Variants in CPNE2 observed in about 807,000 individuals in gnomAD.
CPNE2 encodes the protein copine 2, also known as copine-2.
A neutral mutation model predicts 69.7 loss-of-function variants in CPNE2; 42 were observed. The ratio of observed to expected loss-of-function variants is 0.60; its 90% CI spans 0.47 to 0.78. CPNE2 has a LOEUF of 0.78. CPNE2 is among the 30% of genes least tolerant of loss of function. The probability of loss-of-function intolerance (pLI) is 0.00; values close to 1 mark genes in which losing one functional copy is unlikely to be tolerated. For missense variants in CPNE2, 587 were observed against 732.0 expected, an observed-to-expected ratio of 0.80 and a Z score of 2.29; for synonymous variants, 294 against 289.8, an observed-to-expected ratio of 1.01 and a Z score of -0.15.
At chr16:57,103,782 C>G (rs879722975) in intron 1 of CPNE2, among the ~76,000 whole-genome samples, 7 of 152,348 alleles carry the variant, frequency 4.6e-5, no homozygotes, top group Non-Finnish European at 7.3e-5. Context: ...GGTTCTACAT[C>G]GCGGTGGGGC....
At chr16:57,147,257 C>T (rs2069965241) in intron 15 of CPNE2, 1 of 311,398 alleles carries the variant, frequency 3.2e-6, no homozygotes, top group Non-Finnish European at 5.9e-6. Flanking sequence ...TTGCCGGACA[C>T]ATAGGTGCTT....
At chr16:57,103,853 G>A (rs1555545602) in intron 1 of CPNE2, among the ~76,000 whole-genome samples, 1 of 152,194 alleles carries the variant, frequency 6.6e-6, no homozygotes, top group Non-Finnish European at 1.5e-5. Flanking sequence ...GCTACCTATT[G>A]TTCCAAGTGC....
intron 9 of CPNE2, among the ~76,000 whole-genome samples, chr16:57,122,912 T>C (rs1384755932): frequency 1.3e-5 from 2 of 151,896 alleles, no homozygotes; most frequent in African/African-American, 4.8e-5. Context: ...TCTCTTTTTT[T>C]TTTTTTTTAA....
At chr16:57,137,096 G>A (rs1489930682) in intron 13 of CPNE2, 53 bp from the exon 14 acceptor site, 16 of 1,596,146 alleles carry the variant, frequency 1.0e-5, no homozygotes, top group Non-Finnish European at 1.3e-5. Flanking sequence ...TGAGATGAGA[G>A]TGGGTATGGG....
At chr16:57,145,228 TCTC>T (rs1422014213) in intron 14 of CPNE2, among the ~76,000 whole-genome samples, 1 of 152,324 alleles carries the variant, frequency 6.6e-6, no homozygotes, top group South Asian at 2.1e-4. Flanking sequence ...GAGACTATTG[TCTC>T]CTCAAGCTCT....
At chr16:57,115,372 G>T in intron 3 of CPNE2, 104 bp from the exon 4 acceptor site, 1 of 873,684 alleles carries the variant, frequency 1.1e-6, no homozygotes, top group Non-Finnish European at 1.8e-6. Context: ...GCCAGGGCGG[G>T]GTGCAGCCCT....
intron 12 of CPNE2, chr16:57,128,967 G>C (rs1375234931): frequency 2.0e-5 from 3 of 152,278 alleles, no homozygotes; most frequent in Non-Finnish European, 2.9e-5. Context: ...AGGCCTGTGG[G>C]GAGCCGAGGA....
At chr16:57,123,861 C>T (rs1464569806) in intron 10 of CPNE2, 4 of 258,094 alleles carry the variant, frequency 1.5e-5, no homozygotes, top group African/African-American at 8.7e-5. Context: ...GCCCAACATG[C>T]CAAGCTTTGC....
At chr16:57,131,738 C>T (rs1285187883) in intron 12 of CPNE2, among the ~76,000 whole-genome samples, 1 of 152,228 alleles carries the variant, frequency 6.6e-6, no homozygotes, top group Non-Finnish European at 1.5e-5. Context: ...CCTGGCCCCT[C>T]ACCCTCTCTC....
At chr16:57,101,029 C>A (rs2069609834) in intron 1 of CPNE2, among the ~76,000 whole-genome samples, 1 of 152,230 alleles carries the variant, frequency 6.6e-6, no homozygotes, top group Middle Eastern at 3.2e-3. Context: ...AATCAGTAGA[C>A]TTTTGAGTCC....
At chr16:57,119,519 T>G (rs1386535020) in intron 6 of CPNE2, 42 bp from the exon 7 acceptor site, 1 of 1,550,676 alleles carries the variant, frequency 6.4e-7, no homozygotes, top group Non-Finnish European at 8.9e-7. Flanking sequence ...AGAGCACTGC[T>G]GCCCAGGGCC....
rs2069832047 is a variant in CPNE2 at position 57,130,749 on chromosome 16, C to T, written c.1116+2846C>T. 6.6e-6 allele frequency among the ~76,000 whole-genome samples: 1 copy of T among 151,794 alleles called. No individual in the cohort carries two copies. The highest frequency in any genetic ancestry group is 2.1e-4 in the South Asian group (1 of 4,814). On this transcript the variant is annotated intron_variant, in intron 12 of 15. Transcript: ENST00000290776. The surrounding 1 kb of genome is among the most constrained non-coding windows in gnomAD (Gnocchi z 4.1). The stretch of plus-strand genomic sequence containing the variant: ...ATGGCTGGGGCCATTATGGCAGAGA[C>T]AAGATGGGGAGGGGAGAAGGGCATG...
chr16:57,122,345 G>A (rs191533058), intron 9 of CPNE2, among the ~76,000 whole-genome samples: 3 of 152,202 alleles, frequency 2.0e-5, no homozygotes, highest in South Asian at 2.1e-4. Context: ...GAGTCTGGCC[G>A]CTGCTCTCCA....
intron 1 of CPNE2, among the ~76,000 whole-genome samples, chr16:57,102,693 C>A (rs1166457139): frequency 6.6e-6 from 1 of 151,866 alleles, no homozygotes; most frequent in Non-Finnish European, 1.5e-5. Context: ...CCTCCACTTC[C>A]CAGGTTCAAG....
chr16:57,146,193 G>T lies in CPNE2; in HGVS notation c.1411G>T (p.Gly471Cys). ...SKLPMSIIIV[G>C]VGNADFAAME... ...GCTGCCCATGTCCATCATCATCGTG[G>T]GCGTGGGCAATGCGGACTTCGCTGC... is the stretch of plus-strand genomic sequence containing the variant. Residue 471 changes from glycine (G) to cysteine (C), a missense_variant, in exon 15 of 16, where the codon GGC (glycine) becomes TGC (cysteine). By Grantham distance (159) the Gly-to-Cys change is radical (BLOSUM62 -3). Transcript: ENST00000290776. The surrounding 1 kb of genome is among the most constrained non-coding windows in gnomAD (Gnocchi z 4.4). 1 of 1,574,374 alleles carries T rather than the reference G, an allele frequency of 6.4e-7. No individual in the cohort carries two copies. The highest frequency in any genetic ancestry group is 1.2e-5 in the South Asian group (1 of 86,274).
chr16:57,105,938 G>C (rs923659418), intron 1 of CPNE2: 30 of 152,308 alleles, frequency 2.0e-4, no homozygotes, highest in African/African-American at 7.2e-4. Flanking sequence ...CGCATGGCAG[G>C]CCCAGCCCTC....
At chr16:57,124,506 G>T (rs1272485213) in intron 10 of CPNE2, 3 of 383,168 alleles carry the variant, frequency 7.8e-6, no homozygotes, top group Admixed American at 5.6e-5. Context: ...TGTTTATTTT[G>T]CTTCCACTCC....
At chr16:57,120,263 T>G (rs2069751726) in intron 7 of CPNE2, among the ~76,000 whole-genome samples, 2 of 141,220 alleles carry the variant, frequency 1.4e-5, no homozygotes. Context: ...AGAGCAAGAT[T>G]CTGTCTCAAA....
chr16:57,111,469 C>T (rs533232639), intron 2 of CPNE2, among the ~76,000 whole-genome samples: 18 of 152,318 alleles, frequency 1.2e-4, no homozygotes, highest in East Asian at 1.2e-3. Context: ...TGAACCACCA[C>T]GCCCCATCTT....
Sources: allele counts gnomAD v4.1 joint callset (sites outside exome capture counted in the v4.1 genomes callset), GRCh38; gene constraint gnomAD v4.1.1; non-coding constraint Gnocchi (gnomAD v3.1); transcripts MANE v1.5; gene names NCBI Gene and HGNC (gene_info 2026-07-23, HGNC 2026-07-21).